The following FBXL13 variants were observed in gnomAD, a reference collection of about 807,000 sequenced individuals.
The protein encoded by FBXL13 is F-box and leucine-rich repeat protein 13.
Under a neutral mutation model 83.6 loss-of-function variants are expected in FBXL13, and 67 were observed. The observed-to-expected ratio is 0.80, with a 90% CI of 0.66 to 0.98. FBXL13 has a LOEUF of 0.98. Ranked by LOEUF, FBXL13 falls within the 50% of genes least tolerant of loss-of-function variation. The pLI is 0.00. For missense variants in FBXL13, 822 were observed against 866.5 expected (o/e 0.95, Z 0.64); for synonymous variants, 272 against 299.5 (o/e 0.91, Z 0.95).
At chr7:102,976,234 G>T (rs1217701804) in intron 6 of FBXL13, 1 of 731,454 alleles carries the variant, frequency 1.4e-6, no homozygotes, top group Non-Finnish European at 2.5e-6. Context: ...GTGGCAGGTA[G>T]GCCAGTATGT....
intron 6 of FBXL13, among the ~76,000 whole-genome samples, chr7:102,968,432 C>T (rs1174192696): frequency 3.9e-5 from 6 of 152,092 alleles, no homozygotes; most frequent in Non-Finnish European, 5.9e-5. Flanking sequence ...AGATAGAATT[C>T]TGCTAGAAAA....
chr7:103,018,230 C>A (rs2129487312), intron 6 of FBXL13, among the ~76,000 whole-genome samples: 1 of 152,240 alleles, frequency 6.6e-6, no homozygotes, highest in East Asian at 1.9e-4. Context: ...AACTAAGCTT[C>A]ATAAGTGAAG....
chr7:102,868,881 T>G (rs918686575), intron 16 of FBXL13, among the ~76,000 whole-genome samples: 2 of 152,242 alleles, frequency 1.3e-5, no homozygotes, highest in African/African-American at 4.8e-5. Context: ...TTGGCCAGGC[T>G]GGCCTTGAAC....
At chr7:102,930,458 T>G (rs1023977480) in intron 9 of FBXL13, among the ~76,000 whole-genome samples, 1 of 152,162 alleles carries the variant, frequency 6.6e-6, no homozygotes, top group African/African-American at 2.4e-5. Context: ...GCCTAATGCC[T>G]CACCTTCTGA....
At chr7:102,916,876 A>G (rs1815989350) in intron 10 of FBXL13, among the ~76,000 whole-genome samples, 1 of 151,982 alleles carries the variant, frequency 6.6e-6, no homozygotes, top group East Asian at 1.9e-4. Flanking sequence ...TACAATTCTT[A>G]TAGAAACTAC....
chr7:102,812,698 G>T (rs1797495856), downstream of FBXL13, among the ~76,000 whole-genome samples: 1 of 151,986 alleles, frequency 6.6e-6, no homozygotes, highest in Admixed American at 6.6e-5. Context: ...CCTTTCTAAA[G>T]AAAAATTTCT....
At chr7:103,005,370 A>G (rs148982777) in intron 6 of FBXL13, among the ~76,000 whole-genome samples, 3 of 152,328 alleles carry the variant, frequency 2.0e-5, no homozygotes, top group African/African-American at 7.2e-5. Context: ...CTGATGGCAT[A>G]TATTTTCTCA....
chr7:103,039,062 TA>T (rs894718294), intron 2 of FBXL13, among the ~76,000 whole-genome samples: 4 of 152,156 alleles, frequency 2.6e-5, no homozygotes, highest in African/African-American at 9.7e-5. Context: ...CCAAGGAAGC[TA>T]AAAATCTTGA....
At chr7:102,866,668 T>A (rs1191503220) in intron 16 of FBXL13, among the ~76,000 whole-genome samples, 3 of 152,168 alleles carry the variant, frequency 2.0e-5, no homozygotes, top group Non-Finnish European at 4.4e-5. Context: ...AGATGGGTGG[T>A]CTCTTGCAAT....
chr7:102,910,927 T>C (rs1173134466), intron 11 of FBXL13, among the ~76,000 whole-genome samples: 1 of 151,994 alleles, frequency 6.6e-6, no homozygotes, highest in Non-Finnish European at 1.5e-5. Flanking sequence ...CCTGGCCAAT[T>C]TTTTGCATTT....
At chr7:102,939,963 C>T (rs1263712627) in intron 8 of FBXL13, among the ~76,000 whole-genome samples, 2 of 151,428 alleles carry the variant, frequency 1.3e-5, no homozygotes, top group Non-Finnish European at 2.9e-5. Flanking sequence ...GGTGTGATCT[C>T]GGCTCACTGC....
At position 103,045,409 on chromosome 7, in the gene FBXL13, G is replaced by T. The variant is rs1301631332; in HGVS notation, c.-1+10235C>A. ...TTCACTTTAACAACTTCCCCCTTTTGGTCATTTTCTCAATTTTGAGAGATT... is the reference window on the plus strand; with the variant it reads ...TTCACTTTAACAACTTCCCCCTTTTTGTCATTTTCTCAATTTTGAGAGATT... On this transcript the variant is annotated intron_variant, in intron 2 of 19. Coordinates refer to ENST00000313221, the Ensembl canonical transcript of FBXL13. Among the ~76,000 whole-genome samples, 11 of 152,130 alleles carry T rather than the reference G, an allele frequency of 7.2e-5. No individual in the cohort carries two copies. In the East Asian group the frequency reaches 1.9e-3, roughly 27 times the overall value.
chr7:102,947,941 T>C (rs1434229068), intron 8 of FBXL13, among the ~76,000 whole-genome samples: 1 of 152,194 alleles, frequency 6.6e-6, no homozygotes, highest in Admixed American at 6.5e-5. Flanking sequence ...AGCACTGCTT[T>C]TTCATTCATT....
At chr7:102,822,615 GACAA>G (rs1363792359) in intron 18 of FBXL13, among the ~76,000 whole-genome samples, 1 of 152,168 alleles carries the variant, frequency 6.6e-6, no homozygotes, top group African/African-American at 2.4e-5. Flanking sequence ...ATTTTTGGAG[GACAA>G]ACATTCAATT....
At chr7:103,048,486 A>C (rs1156735321) in intron 2 of FBXL13, among the ~76,000 whole-genome samples, 1 of 152,010 alleles carries the variant, frequency 6.6e-6, no homozygotes, top group African/African-American at 2.4e-5. Context: ...ATCTTGTTCA[A>C]GAGAGAAAGC....
chr7:102,883,753 CT>C, intron 12 of FBXL13, 68 bp from the exon 14 acceptor site: 1 of 925,900 alleles, frequency 1.1e-6, no homozygotes, highest in Non-Finnish European at 1.7e-6. Flanking sequence ...AATGAAGTCA[CT>C]TTTTCCTTCA....
chr7:103,039,733 A>G (rs1462114558), intron 2 of FBXL13, among the ~76,000 whole-genome samples: 3 of 152,198 alleles, frequency 2.0e-5, no homozygotes, highest in Non-Finnish European at 4.4e-5. Flanking sequence ...ACTAAGTTTC[A>G]TAAGTGAAGG....
rs549908714 is a variant in FBXL13 at position 103,048,871 on chromosome 7, T to C, written c.-1+6773A>G. Among the ~76,000 whole-genome samples the C allele has an allele frequency of 2.0e-5, 3 of 152,134 alleles. No homozygotes were observed. In the South Asian group the frequency reaches 6.2e-4, roughly 31 times the overall value. ...AACTAGGTAAAAATTTACATTCCCA[T>C]GCATTCTTATAATCTCTTACCAAAA... On this transcript the variant is annotated intron_variant, in intron 2 of 19. Coordinates refer to ENST00000313221, the Ensembl canonical transcript of FBXL13.
At chr7:102,934,095 A>G in intron 8 of FBXL13, 1 of 1,614,040 alleles carries the variant, frequency 6.2e-7, no homozygotes, top group Non-Finnish European at 8.5e-7. Flanking sequence ...ACATATCTCC[A>G]TGAGAAATAC....
Sources: gnomAD v4.1 joint callset for allele counts (sites outside exome capture counted in the v4.1 genomes callset) on GRCh38, gnomAD v4.1.1 for gene constraint, MANE v1.5 for transcripts, NCBI Gene and HGNC (gene_info 2026-07-23, HGNC 2026-07-21) for gene names.